The following NPEPPS variants were observed in gnomAD, a reference collection of about 807,000 sequenced individuals.
The protein encoded by NPEPPS is puromycin-sensitive aminopeptidase.
A neutral mutation model predicts 115.5 loss-of-function variants in NPEPPS; 14 were observed. The ratio of observed to expected loss-of-function variants is 0.12; its 90% CI spans 0.08 to 0.19. The LOEUF is 0.19. Among genes scored for constraint, NPEPPS ranks in the 10% least tolerant of loss-of-function variants. The pLI is 1.00. For synonymous variants in NPEPPS, 285 were observed against 390.6 expected (o/e 0.73, Z 3.19); for missense variants, 523 against 1,110.8 (o/e 0.47, Z 7.52).
intron 8 of NPEPPS, 21 bp downstream of exon 8, chr17:47,586,419 C>T (rs753088861): frequency 1.5e-5 from 23 of 1,533,592 alleles, no homozygotes; most frequent in African/African-American, 5.5e-5. Context: ...GATGTGTTAC[C>T]CTGCCTTATC....
At chr17:47,567,042 T>C (rs780032363) in intron 2 of NPEPPS, among the ~76,000 whole-genome samples, 5 of 152,132 alleles carry the variant, frequency 3.3e-5, no homozygotes, top group Non-Finnish European at 5.9e-5. Context: ...ATAGCGCCAC[T>C]GTACTCCAGC....
At chr17:47,525,333 C>T (rs1033833466) in intron 1 of NPEPPS, among the ~76,000 whole-genome samples, 1 of 152,012 alleles carries the variant, frequency 6.6e-6, no homozygotes, top group Non-Finnish European at 1.5e-5. Flanking sequence ...AAGTCTGTGG[C>T]CCTAGTGTTT....
intron 19 of NPEPPS, among the ~76,000 whole-genome samples, chr17:47,616,834 C>T (rs1182019205): frequency 2.0e-5 from 3 of 147,960 alleles, no homozygotes; most frequent in Non-Finnish European, 4.5e-5. Flanking sequence ...GAGACCCCAT[C>T]TCTACTTCTT....
chr17:47,551,383 T>C (rs1437230926), intron 2 of NPEPPS, among the ~76,000 whole-genome samples: 1 of 151,748 alleles, frequency 6.6e-6, no homozygotes, highest in Non-Finnish European at 1.5e-5. Flanking sequence ...ATGAAGTTTA[T>C]TATTTATTTG....
chr17:47,532,087 G>A (rs1488066835), intron 1 of NPEPPS, among the ~76,000 whole-genome samples: 3 of 151,814 alleles, frequency 2.0e-5, no homozygotes, highest in African/African-American at 7.2e-5. Context: ...GCTTCTAGAA[G>A]GGGGGGGAGA....
intron 2 of NPEPPS, among the ~76,000 whole-genome samples, chr17:47,553,245 C>T (rs1037165548): frequency 4.6e-5 from 7 of 151,192 alleles, no homozygotes; most frequent in African/African-American, 1.7e-4. Flanking sequence ...TGGTGGTAGG[C>T]GCCTGTAATC....
intron 3 of NPEPPS, among the ~76,000 whole-genome samples, chr17:47,570,917 C>T (rs963245034): frequency 1.3e-5 from 2 of 152,130 alleles, no homozygotes; most frequent in African/African-American, 2.4e-5. Flanking sequence ...TGTTCATGTC[C>T]TTTGACCCAG....
At chr17:47,588,293 G>A (rs113240185) in intron 9 of NPEPPS, among the ~76,000 whole-genome samples, 1 of 152,176 alleles carries the variant, frequency 6.6e-6, no homozygotes, top group African/African-American at 2.4e-5. Context: ...CGGGCACGGT[G>A]GCTCACGCCG....
intron 11 of NPEPPS, among the ~76,000 whole-genome samples, 165 bp from the exon 12 acceptor site, chr17:47,592,319 GT>G (rs1912558019): frequency 6.6e-6 from 1 of 152,026 alleles, no homozygotes; most frequent in Admixed American, 6.6e-5. Flanking sequence ...AAGGCATAGA[GT>G]ACGCATTATT....
Position 47,611,378 on chromosome 17 carries a change from G to A in NPEPPS, c.2096-1082G>A, listed in dbSNP as rs907955637. Among the ~76,000 whole-genome samples the A allele has an allele frequency of 4.0e-5, 6 of 150,792 alleles. No homozygotes were observed. In the East Asian group the frequency reaches 1.0e-3, roughly 26 times the overall value. ...AGAAGACTGAGGTAGAGAATTGCTTGAACCTGGGAGGTGGAGGCTGCAGTG... is the reference window on the plus strand; with the variant it reads ...AGAAGACTGAGGTAGAGAATTGCTTAAACCTGGGAGGTGGAGGCTGCAGTG... On this transcript the variant is annotated intron_variant, in intron 17 of 22. Transcript: ENST00000322157.
chr17:47,590,973 T>G (rs2610294), intron 10 of NPEPPS, 92 bp downstream of exon 10: 6 of 1,495,328 alleles, frequency 4.0e-6, no homozygotes, highest in African/African-American at 2.8e-5. Context: ...ACTTTGAAAA[T>G]AAGAGAAAAT....
At chr17:47,560,349 G>T (rs1392901283) in intron 2 of NPEPPS, among the ~76,000 whole-genome samples, 1 of 152,156 alleles carries the variant, frequency 6.6e-6, no homozygotes, top group Non-Finnish European at 1.5e-5. Context: ...AAGAGCAGGG[G>T]CACCCTAGAA....
At chr17:47,598,823 C>T (rs796482418) in intron 13 of NPEPPS, among the ~76,000 whole-genome samples, 6 of 152,016 alleles carry the variant, frequency 3.9e-5, no homozygotes, top group African/African-American at 9.7e-5. Flanking sequence ...TCTACAGGCA[C>T]GGCCAAACTC....
chr17:47,587,234 A>T lies in NPEPPS; in HGVS notation c.985A>T (p.Thr329Ser). ...TTTTTTTTTTTTTAAACACAGGGAG[A>T]CTGCATTGCTTATTGATCCAAAAAA... ...ENWGLVTYRE[T>S]ALLIDPKNSC... The change falls in exon 9 of 23, where the codon ACT becomes TCT. Residue 329 changes from threonine to serine, a missense_variant. Transcript: ENST00000322157. The T allele has an allele frequency of 1.3e-6, 2 of 1,570,528 alleles. No homozygotes were observed. Among genetic ancestry groups the T allele is most frequent in the African/African-American group, 1.4e-5 (1 of 71,378 alleles).
At chr17:47,609,481 G>A (rs370128596) in intron 17 of NPEPPS, among the ~76,000 whole-genome samples, 64 of 152,288 alleles carry the variant, frequency 4.2e-4, no homozygotes, top group African/African-American at 1.3e-3. Context: ...ATCACACAGC[G>A]TGTTAGTACC....
intron 4 of NPEPPS, chr17:47,581,033 T>C (rs918343311): frequency 6.6e-5 from 10 of 152,248 alleles, no homozygotes; most frequent in African/African-American, 2.4e-4. Context: ...TAGGCCCAGC[T>C]CATTCAACTG....
intron 2 of NPEPPS, among the ~76,000 whole-genome samples, chr17:47,551,991 T>TTGG (rs1909687551): frequency 2.2e-5 from 3 of 135,138 alleles, no homozygotes; most frequent in Non-Finnish European, 4.9e-5. Context: ...CTTTTTTTTT[T>TTGG]GAGACAGGTC....
rs376517124 is a variant in NPEPPS, at chr17:47,578,082, G to A, written c.419-1308G>A. ...TAGCCAGGCGTGGTGATGCCCGCCT[G>A]TAGTCCCAGCTACTCAGGAGGCTGA... is the stretch of plus-strand genomic sequence containing the variant. On this transcript the variant is annotated intron_variant, in intron 3 of 22. Coordinates refer to ENST00000322157, the MANE Select transcript of NPEPPS (RefSeq NM_006310.4). Among the ~76,000 whole-genome samples the A allele has an allele frequency of 4.7e-4, 71 of 151,928 alleles. No homozygotes were observed. In the East Asian group the frequency reaches 0.013, roughly 28 times the overall value.
Position 47,612,575 on chromosome 17 carries a change from G to C in NPEPPS, c.2211G>C (p.Gln737His). Reference protein sequence around the residue: ...RRFKDHVEGKQILSADLRSPV... With the variant: ...RRFKDHVEGKHILSADLRSPV... ...TTAAGGACCACGTGGAAGGAAAACA[G>C]ATTCTCTCCGCTGATCTGAGGAGTC... is the stretch of plus-strand genomic sequence containing the variant. Residue 737 changes from glutamine (Q) to histidine (H), a missense_variant, in exon 18 of 23, where the codon CAG (glutamine) becomes CAC (histidine). Around this residue, in one of 4 missense-constraint regions of NPEPPS, gnomAD observed 372 missense variants for 542.6 expected, o/e 0.69. Transcript: ENST00000322157. 1.2e-6 allele frequency: 2 copies of C among 1,613,578 alleles called. No individual in the cohort carries two copies. The highest frequency in any genetic ancestry group is 2.2e-5 in the South Asian group (2 of 91,070).
Sources: allele counts gnomAD v4.1 joint callset (sites outside exome capture counted in the v4.1 genomes callset), GRCh38; gene constraint gnomAD v4.1.1; regional missense constraint gnomAD v4.1.1; transcripts MANE v1.5; gene names NCBI Gene and HGNC (gene_info 2026-07-23, HGNC 2026-07-21).